ANK3: variants seen among roughly 807,000 people sequenced by gnomAD.
The protein encoded by ANK3 is ankyrin 3.
Under a neutral mutation model 370.9 loss-of-function variants are expected in ANK3, and 57 were observed. That is an observed-to-expected ratio of 0.15 (90% confidence interval 0.12 to 0.19). The LOEUF (loss-of-function observed/expected upper bound fraction) is 0.19. Ranked by LOEUF, ANK3 falls within the 10% of genes least tolerant of loss-of-function variation. The pLI is 1.00. For missense variants in ANK3, 4,439 were observed against 5,302.1 expected (o/e 0.84, Z 5.06); for synonymous variants, 1,929 against 1,946.3 (o/e 0.99, Z 0.23).
chr10:60,137,766 A>G (rs2094419484), intron 24 of ANK3, among the ~76,000 whole-genome samples: 1 of 152,138 alleles, frequency 6.6e-6, no homozygotes, highest in African/African-American at 2.4e-5. Flanking sequence ...ACTGATCACA[A>G]AATGTGTCAT....
intron 1 of ANK3, among the ~76,000 whole-genome samples, chr10:60,670,706 A>C (rs1479719112): frequency 6.6e-6 from 1 of 152,136 alleles, no homozygotes; most frequent in Non-Finnish European, 1.5e-5. Context: ...CCTTTCCACT[A>C]AGTAGCAGGG....
At chr10:60,711,941 G>T (rs956358276) in intron 1 of ANK3, among the ~76,000 whole-genome samples, 1 of 152,154 alleles carries the variant, frequency 6.6e-6, no homozygotes, top group African/African-American at 2.4e-5. Flanking sequence ...AGTGTTGAAA[G>T]AATAAACCCT....
chr10:60,069,890 T>A lies in ANK3; in HGVS notation c.10991A>T (p.Asp3664Val), dbSNP rs2082381593. Residue 3664 changes from aspartate to valine, a missense_variant, in exon 37 of 44, where the codon GAC becomes GTC. Physicochemically the swap from Asp to Val is radical, Grantham distance 152. Transcript: ENST00000280772. Reference protein sequence around the residue: ...VTATPQPQSGDTTVETNLERN... With the variant: ...VTATPQPQSGVTTVETNLERN... ...CTCTAGATTGGTTTCTACAGTGGTG[T>A]CCCCTGACTGTGGCTGTGGTGTGGC... is the stretch of plus-strand genomic sequence containing the variant. 1 of 1,613,896 alleles carries A rather than the reference T, an allele frequency of 6.2e-7. No individual in the cohort carries two copies. Among genetic ancestry groups the A allele is most frequent in the South Asian group, 1.1e-5 (1 of 91,072 alleles).
intron 7 of ANK3, among the ~76,000 whole-genome samples, chr10:60,236,148 CT>C (rs1592201670): frequency 6.6e-6 from 1 of 152,002 alleles, no homozygotes; most frequent in African/African-American, 2.4e-5. Context: ...ATGCTCCCTA[CT>C]GTTTTTTTTT....
chr10:60,236,597 A>G (rs904147005), intron 7 of ANK3, among the ~76,000 whole-genome samples: 1 of 151,976 alleles, frequency 6.6e-6, no homozygotes, highest in African/African-American at 2.4e-5. Context: ...TTTTATGTAA[A>G]CTTTTCTAGT....
intron 1 of ANK3, among the ~76,000 whole-genome samples, chr10:60,325,170 G>A (rs888182814): frequency 1.3e-5 from 2 of 152,182 alleles, no homozygotes; most frequent in African/African-American, 4.8e-5. Flanking sequence ...TGTACCAGTG[G>A]AACTGCCCAG....
rs79746272 is a variant in ANK3 at position 60,160,767 on chromosome 10, G to A, written c.2614+5824C>T. Among the ~76,000 whole-genome samples the A allele has an allele frequency of 2.2e-3, 328 of 152,188 alleles. 3 individuals are homozygous for A. The highest frequency in any genetic ancestry group is 7.6e-3 in the African/African-American group (315 of 41,544). On this transcript the variant is annotated intron_variant, in intron 23 of 43. Transcript: ENST00000280772. Reference sequence around the variant, plus strand: ...TCAACATATGCAAATGAATCAATGTGATACATCATATCCAAAGAATAAAGG... The same window carrying A: ...TCAACATATGCAAATGAATCAATGTAATACATCATATCCAAAGAATAAAGG...
At chr10:60,666,911 T>C (rs565381471) in intron 1 of ANK3, among the ~76,000 whole-genome samples, 7 of 152,154 alleles carry the variant, frequency 4.6e-5, no homozygotes, top group Admixed American at 4.6e-4. Context: ...CTGTAATGCT[T>C]AGATGTTTTA....
chr10:60,417,281 C>A (rs761641907), intron 2 of ANK3, among the ~76,000 whole-genome samples: 15 of 152,108 alleles, frequency 9.9e-5, no homozygotes, highest in Non-Finnish European at 1.6e-4. Context: ...AGGCCATGAT[C>A]CAGGTGGTTT....
intron 25 of ANK3, among the ~76,000 whole-genome samples, chr10:60,120,767 G>A (rs12242996): frequency 0.013 from 2,031 of 152,260 alleles, 46 homozygotes; most frequent in African/African-American, 0.046. Flanking sequence ...AAACCAGAAT[G>A]AGATATCATC....
At chr10:60,371,189 C>G (rs1323815958) in intron 1 of ANK3, among the ~76,000 whole-genome samples, 3 of 152,136 alleles carry the variant, frequency 2.0e-5, no homozygotes, top group Admixed American at 6.6e-5. Flanking sequence ...TCTCTACCCT[C>G]TGCCCTGGTA....
chr10:60,280,908 A>G (rs1239464741), intron 1 of ANK3, among the ~76,000 whole-genome samples: 3 of 152,214 alleles, frequency 2.0e-5, no homozygotes, highest in Admixed American at 6.5e-5. Flanking sequence ...TATTTACTAC[A>G]CAACATCACA....
At chr10:60,334,648 G>T (rs1457064282) in intron 1 of ANK3, among the ~76,000 whole-genome samples, 1 of 152,128 alleles carries the variant, frequency 6.6e-6, no homozygotes, top group Non-Finnish European at 1.5e-5. Flanking sequence ...AATGTAAGAT[G>T]ATGGATTTCT....
intron 2 of ANK3, among the ~76,000 whole-genome samples, chr10:60,492,722 AAAG>A (rs1198958240): frequency 4.2e-4 from 59 of 141,414 alleles, no homozygotes; most frequent in South Asian, 1.4e-3. Flanking sequence ...AAAAAAAAAA[AAAG>A]AAAGAAAGAA....
At chr10:60,565,511 T>G (rs1050559204) in intron 2 of ANK3, among the ~76,000 whole-genome samples, 1 of 152,210 alleles carries the variant, frequency 6.6e-6, no homozygotes, top group Non-Finnish European at 1.5e-5. Context: ...GCTCAAGTCC[T>G]TTTGGGAAAC....
intron 1 of ANK3, among the ~76,000 whole-genome samples, chr10:60,707,132 C>T (rs1021840774): frequency 7.2e-5 from 11 of 152,066 alleles, no homozygotes; most frequent in Non-Finnish European, 1.6e-4. Flanking sequence ...AACCAACAAT[C>T]GAACTCTAAT....
intron 17 of ANK3, among the ~76,000 whole-genome samples, chr10:60,182,617 C>T (rs2096227644): frequency 6.6e-6 from 1 of 152,052 alleles, no homozygotes; most frequent in African/African-American, 2.4e-5. Context: ...TCAGCCTGTC[C>T]TATTTGTCAG....
intron 2 of ANK3, among the ~76,000 whole-genome samples, chr10:60,426,515 G>A (rs1350443580): frequency 1.3e-5 from 2 of 152,036 alleles, no homozygotes; most frequent in Non-Finnish European, 2.9e-5. Context: ...GAACTCATGG[G>A]CAGGAGACGC....
intron 42 of ANK3, among the ~76,000 whole-genome samples, chr10:60,051,791 G>GTA (rs1354723028): frequency 6.6e-6 from 1 of 150,702 alleles, no homozygotes; most frequent in East Asian, 2.0e-4. Context: ...GTGCATGTGT[G>GTA]TGTGTGTGTG....
Sources: allele counts gnomAD v4.1 joint callset (sites outside exome capture counted in the v4.1 genomes callset), GRCh38; gene constraint gnomAD v4.1.1; transcripts MANE v1.5; gene names NCBI Gene and HGNC (gene_info 2026-07-23, HGNC 2026-07-21).